The following MORC4 variants were observed in gnomAD, a reference collection of about 807,000 sequenced individuals.
MORC4 encodes MORC family CW-type zinc finger protein 4.
In MORC4, 22 loss-of-function variants were observed where a neutral mutation model predicts 65.5. The observed-to-expected ratio is 0.34, with a 90% CI of 0.24 to 0.48. The LOEUF is 0.48. MORC4 is among the 20% of genes least tolerant of loss of function. MORC4 has a pLI of 0.99. For missense variants in MORC4, 624 were observed against 703.0 expected (o/e 0.89, Z 1.27); for synonymous variants, 267 against 255.8 (o/e 1.04, Z -0.42).
chrX:106,995,787 C>T (rs189054871), intron 2 of MORC4, among the ~76,000 whole-genome samples: 102 of 112,209 alleles, frequency 9.1e-4, no homozygotes, highest in African/African-American at 3.1e-3. Flanking sequence ...CAGTTCTTTA[C>T]TTTGTAAGAG....
At chrX:106,941,702 C>T in intron 16 of MORC4, 70 bp from the exon 17 acceptor site, 1 of 1,061,287 alleles carries the variant, frequency 9.4e-7, no homozygotes, top group Non-Finnish European at 1.3e-6. Context: ...TAAAATGAAG[C>T]CCCTTCAAAA....
chrX:106,953,204 T>C (rs1427057189), intron 14 of MORC4, among the ~76,000 whole-genome samples: 1 of 111,902 alleles, frequency 8.9e-6, no homozygotes, highest in Non-Finnish European at 1.9e-5. Context: ...GGAAGTTCTA[T>C]TGTACTGCAT....
rs895578273 is a variant in MORC4, at chrX:106,999,577, G to A, written c.175+100C>T. 1.0e-4 allele frequency: 82 copies of A among 796,410 alleles called. No homozygotes were observed. In the Middle Eastern group the frequency reaches 1.9e-3, roughly 19 times the overall value. 65.6% of individuals were successfully genotyped at this position (796,410 alleles called of 1,213,427 possible). A position where few individuals can be genotyped will look rare whatever the true frequency, so the allele number is the denominator to read the frequency against. Reference sequence around the variant, plus strand: ...TTCCGAGGCCCCCACCCCAGCCCCGGCCCGCCCCGCGCGGCTCTGCGCATT... The same window carrying A: ...TTCCGAGGCCCCCACCCCAGCCCCGACCCGCCCCGCGCGGCTCTGCGCATT... On this transcript the variant is annotated intron_variant, in intron 2 of 16. Coordinates refer to ENST00000355610, the MANE Select transcript of MORC4 (RefSeq NM_024657.5).
chrX:106,976,758 CAAT>C lies in MORC4; in HGVS notation c.1057-77_1057-75del. 6.9e-6 allele frequency: 5 copies of C among 720,533 alleles called. No individual in the cohort carries two copies. In the East Asian group the frequency reaches 1.6e-4, roughly 24 times the overall value. The allele number at this position is 720,533 out of a possible 1,213,427, so 59.4% of individuals were successfully genotyped here. A position where few individuals can be genotyped will look rare whatever the true frequency, so the allele number is the denominator to read the frequency against. ...GGAGGCATTTCCTTTTGATTCCAAA[CAAT>C]AATAGAAAGGTTACATAACCTTCAT... On this transcript the variant is annotated intron_variant, in intron 8 of 16. Transcript: ENST00000355610.
intron 14 of MORC4, among the ~76,000 whole-genome samples, chrX:106,945,874 A>G (rs1933814177): frequency 9.0e-6 from 1 of 111,656 alleles, no homozygotes; most frequent in African/African-American, 3.3e-5. Context: ...TGCTCCTTCA[A>G]AATGCTTTCT....
chrX:106,990,593 C>T (rs983939212), intron 3 of MORC4, among the ~76,000 whole-genome samples: 5 of 112,433 alleles, frequency 4.4e-5, no homozygotes, highest in Non-Finnish European at 9.4e-5. Flanking sequence ...GTATCTTCAC[C>T]GGGCACGGTG....
intron 14 of MORC4, among the ~76,000 whole-genome samples, chrX:106,953,371 A>G (rs1934023301): frequency 8.9e-6 from 1 of 111,895 alleles, no homozygotes; most frequent in Non-Finnish European, 1.9e-5. Context: ...TCCAGCAGCA[A>G]TGGTGATATA....
intron 7 of MORC4, 71 bp from the exon 8 acceptor site, chrX:106,978,270 G>C (rs1186786600): frequency 1.9e-6 from 2 of 1,052,984 alleles, no homozygotes; most frequent in Admixed American, 3.1e-5. Flanking sequence ...CCATATTATA[G>C]CAAAAACCAT....
rs952719859 is a variant in MORC4 at position 106,993,392 on chromosome X, A to G, written c.176-30T>C. On this transcript the variant is annotated intron_variant, in intron 2 of 16. Transcript: ENST00000355610. ...AAAAGGTAGAAATCTGCGATATTAG[A>G]TCCCCTTTTCCAATATTGTATCAAA... The G allele has an allele frequency of 6.7e-6, 8 of 1,189,178 alleles. No homozygotes were observed. In the African/African-American group the frequency reaches 8.8e-5, roughly 13 times the overall value.
intron 5 of MORC4, among the ~76,000 whole-genome samples, chrX:106,983,712 C>CTTT (rs201198417): frequency 4.1e-5 from 4 of 98,629 alleles, no homozygotes; most frequent in African/African-American, 7.3e-5. Flanking sequence ...TTTTCTACTT[C>CTTT]TTTTTTTTTT....
chrX:106,960,727 A>C (rs746779690), intron 10 of MORC4, among the ~76,000 whole-genome samples: 2 of 111,999 alleles, frequency 1.8e-5, no homozygotes, highest in African/African-American at 6.5e-5. Context: ...TCATTGCATT[A>C]ATCACTGCTA....
Position 106,954,672 on chromosome X carries a change from C to T in MORC4, c.1685+241G>A, listed in dbSNP as rs748226996. The stretch of plus-strand genomic sequence containing the variant: ...CCCAATATAATGTGAATACATGATA[C>T]ATAAAAAGAGTATCAGCAAATGATC... On this transcript the variant is annotated intron_variant, in intron 14 of 16. Transcript: ENST00000355610. 2.7e-5 allele frequency among the ~76,000 whole-genome samples: 3 copies of T among 112,125 alleles called. No homozygotes were observed. In the South Asian group the frequency reaches 1.1e-3, roughly 42 times the overall value.
chrX:106,974,163 G>C (rs1934577754), intron 9 of MORC4, among the ~76,000 whole-genome samples: 2 of 111,671 alleles, frequency 1.8e-5, no homozygotes, highest in Non-Finnish European at 3.8e-5. Context: ...GCCAAATCCA[G>C]CCCACTGCCT....
At chrX:106,963,061 G>GGGA (rs1934287415) in intron 9 of MORC4, among the ~76,000 whole-genome samples, 1 of 111,382 alleles carries the variant, frequency 9.0e-6, no homozygotes, top group African/African-American at 3.3e-5. Context: ...AATCATATAT[G>GGGA]AGCTCCCCTA....
chrX:106,966,512 G>A (rs891645679), intron 9 of MORC4, among the ~76,000 whole-genome samples: 9 of 112,702 alleles, frequency 8.0e-5, no homozygotes, highest in Non-Finnish European at 1.5e-4. Context: ...AAGAGGTCAG[G>A]GGATTTCCCT....
chrX:106,957,104 A>G, intron 11 of MORC4, 100 bp from the exon 12 acceptor site: 1 of 460,718 alleles, frequency 2.2e-6, no homozygotes, highest in Non-Finnish European at 3.7e-6. Context: ...ACTCTCTAAC[A>G]TTACAGAGTT....
chrX:106,982,596 G>T lies in MORC4; in HGVS notation c.675-1119C>A, dbSNP rs923461185. Among the ~76,000 whole-genome samples the T allele has an allele frequency of 4.5e-5, 5 of 111,188 alleles. No homozygotes were observed. The Admixed American group carries it at 4.8e-4, about 11-fold the overall frequency. On this transcript the variant is annotated intron_variant, in intron 5 of 16. Coordinates refer to ENST00000355610, the MANE Select transcript of MORC4 (RefSeq NM_024657.5). ...TCACATTCCCCATCTAAGGAAAAAA[G>T]GTCTGTAGAAACATTTTCTTAGAGA... is the stretch of plus-strand genomic sequence containing the variant.
At position 106,999,810 on chromosome X, in the gene MORC4, C is replaced by T. The variant is rs1344974521; in HGVS notation, c.102+58G>A. 3 of 944,572 alleles carry T rather than the reference C, an allele frequency of 3.2e-6. No homozygotes were observed. In the East Asian group the frequency reaches 1.5e-4, roughly 47 times the overall value. 77.8% of individuals were successfully genotyped at this position (944,572 alleles called of 1,213,427 possible). On this transcript the variant is annotated intron_variant, in intron 1 of 16. Coordinates refer to ENST00000355610, the MANE Select transcript of MORC4 (RefSeq NM_024657.5). ...CTCGGCCCGCCGGGCCCTCCCCGCG[C>T]GCCCCCCGCAGCCCAGGGGCCCGCG... is the stretch of plus-strand genomic sequence containing the variant.
chrX:106,965,205 G>A (rs1168521310), intron 9 of MORC4, among the ~76,000 whole-genome samples: 1 of 111,863 alleles, frequency 8.9e-6, no homozygotes, highest in African/African-American at 3.2e-5. Flanking sequence ...TGGTGATGGA[G>A]CTGTTAAAGG....
Sources: gnomAD v4.1 joint callset for allele counts (sites outside exome capture counted in the v4.1 genomes callset) on GRCh38, gnomAD v4.1.1 for gene constraint, MANE v1.5 for transcripts, NCBI Gene and HGNC (gene_info 2026-07-23, HGNC 2026-07-21) for gene names.